Variants in TBCEL observed in about 807,000 individuals in gnomAD.
TBCEL encodes tubulin-specific chaperone cofactor E-like protein.
TBCEL carries 15 observed loss-of-function variants against 44.2 expected under a neutral mutation model. The ratio of observed to expected loss-of-function variants is 0.34; its 90% confidence interval spans 0.23 to 0.52. TBCEL has a LOEUF of 0.52. TBCEL is among the 20% of genes least tolerant of loss of function. The probability of loss-of-function intolerance (pLI) is 0.95; values close to 1 mark genes in which losing one functional copy is unlikely to be tolerated. For missense variants in TBCEL, 319 were observed against 506.3 expected, an observed-to-expected ratio of 0.63 and a Z score of 3.55; for synonymous variants, 171 against 185.4, an observed-to-expected ratio of 0.92 and a Z score of 0.63.
At chr11:121,073,245 A>G (rs993274391) in intron 8 of TBCEL, among the ~76,000 whole-genome samples, 1 of 151,962 alleles carries the variant, frequency 6.6e-6, no homozygotes, top group African/African-American at 2.4e-5. Context: ...GAGAATTTAC[A>G]TTGTGATGCT....
At chr11:121,071,363 T>G (rs1945928443) in intron 8 of TBCEL, among the ~76,000 whole-genome samples, 1 of 152,194 alleles carries the variant, frequency 6.6e-6, no homozygotes, top group Admixed American at 6.5e-5. Flanking sequence ...TTTTTGTTTT[T>G]GAGGGCAGTG....
rs552817533 is a variant in TBCEL at position 121,077,185 on chromosome 11, T to A, written c.957-9593T>A. 1.8e-3 allele frequency among the ~76,000 whole-genome samples: 268 copies of A among 152,156 alleles called. 2 individuals are homozygous for A. Among genetic ancestry groups the A allele is most frequent in the Middle Eastern group, 3.4e-3 (1 of 294 alleles). On this transcript the variant is annotated intron_variant, in intron 8 of 8. Coordinates refer to ENST00000683345, the MANE Select transcript of TBCEL (RefSeq NM_001363644.2). ...TTATAAGTGTTCTTTCCTTTTTTTC[T>A]GGAAGAGTTTGTGTAGAACAGTGTT...
chr11:121,025,093 T>G (rs1224164343), intron 1 of TBCEL, among the ~76,000 whole-genome samples: 1 of 152,152 alleles, frequency 6.6e-6, no homozygotes, highest in Non-Finnish European at 1.5e-5. Flanking sequence ...TGAGGAAAGT[T>G]GGTTGGAAGT....
At chr11:121,028,122 G>A (rs1945078800) in intron 1 of TBCEL, among the ~76,000 whole-genome samples, 2 of 96,404 alleles carry the variant, frequency 2.1e-5, no homozygotes, top group Non-Finnish European at 4.3e-5. Context: ...AGAGGATCAC[G>A]AGCCTCAGAG....
chr11:121,042,410 T>C (rs1261398647), intron 2 of TBCEL, among the ~76,000 whole-genome samples: 3 of 152,142 alleles, frequency 2.0e-5, no homozygotes, highest in African/African-American at 7.2e-5. Flanking sequence ...AAAGAACTTT[T>C]CAACCTGAAG....
At chr11:121,044,737 C>T (rs1190506454) in intron 2 of TBCEL, among the ~76,000 whole-genome samples, 1 of 152,080 alleles carries the variant, frequency 6.6e-6, no homozygotes, top group East Asian at 1.9e-4. Flanking sequence ...ATGAGTCCTT[C>T]TCAGTACTCA....
chr11:121,063,297 G>A (rs1945758924), intron 8 of TBCEL, among the ~76,000 whole-genome samples: 1 of 152,088 alleles, frequency 6.6e-6, no homozygotes, highest in Non-Finnish European at 1.5e-5. Flanking sequence ...AAGTGTTACT[G>A]TCTTCTACTA....
At chr11:121,079,667 G>T (rs1946089454) in intron 8 of TBCEL, among the ~76,000 whole-genome samples, 1 of 152,164 alleles carries the variant, frequency 6.6e-6, no homozygotes, top group African/African-American at 2.4e-5. Context: ...AGTCCCAGTT[G>T]TAGAATGTTT....
chr11:121,027,619 T>C (rs558259813), intron 1 of TBCEL, among the ~76,000 whole-genome samples: 2 of 152,290 alleles, frequency 1.3e-5, no homozygotes, highest in South Asian at 4.1e-4. Context: ...TGTGTAAAAT[T>C]ATCCCTGAAA....
intron 4 of TBCEL, among the ~76,000 whole-genome samples, chr11:121,049,227 A>C (rs1445396865): frequency 6.6e-6 from 1 of 151,884 alleles, no homozygotes; most frequent in Admixed American, 6.6e-5. Flanking sequence ...AAATTTACTT[A>C]ATCCTTTAGA....
rs1946240244 is a variant in TBCEL at position 121,087,773 on chromosome 11, A to G, written c.*677A>G. ...CTATAACTCTGTTAGAACCTCGAAG[A>G]GTAGATGTAGAATGAAAACTCCAGG... On this transcript the variant is annotated 3_prime_UTR_variant, in exon 9 of 9. Transcript: ENST00000683345. 6.6e-6 allele frequency: 1 copy of G among 152,172 alleles called. No homozygotes were observed. Among genetic ancestry groups the G allele is most frequent in the African/African-American group, 2.4e-5 (1 of 41,442 alleles). 9.4% of individuals were successfully genotyped at this position (152,172 alleles called of 1,614,324 possible).
chr11:121,073,301 C>G (rs1167863841), intron 8 of TBCEL, among the ~76,000 whole-genome samples: 1 of 151,864 alleles, frequency 6.6e-6, no homozygotes, highest in Non-Finnish European at 1.5e-5. Flanking sequence ...TTTCATTTAA[C>G]TCAGAATATT....
intron 8 of TBCEL, among the ~76,000 whole-genome samples, chr11:121,072,578 C>T (rs1945955391): frequency 1.3e-5 from 2 of 152,146 alleles, no homozygotes; most frequent in South Asian, 4.1e-4. Flanking sequence ...GTCTATTTTT[C>T]ATATTTTATA....
chr11:121,060,115 T>C (rs375293030), intron 8 of TBCEL, 30 bp downstream of exon 8: 112 of 1,507,372 alleles, frequency 7.4e-5, no homozygotes, highest in South Asian at 2.2e-4. Flanking sequence ...CCAAACACTT[T>C]AGAGGGTGGT....
intron 4 of TBCEL, 63 bp from the exon 5 acceptor site, chr11:121,053,488 G>T: frequency 6.6e-7 from 1 of 1,505,682 alleles, no homozygotes; most frequent in South Asian, 1.2e-5. Context: ...GCTTTCTTGA[G>T]CATGATTGCT....
intron 8 of TBCEL, among the ~76,000 whole-genome samples, chr11:121,075,129 T>C (rs1020523125): frequency 1.3e-5 from 2 of 151,988 alleles, no homozygotes; most frequent in Non-Finnish European, 2.9e-5. Flanking sequence ...CTGGAGGACC[T>C]CATTCAACAT....
intron 8 of TBCEL, among the ~76,000 whole-genome samples, chr11:121,066,091 T>C (rs959122526): frequency 6.6e-6 from 1 of 152,110 alleles, no homozygotes; most frequent in Non-Finnish European, 1.5e-5. Context: ...GATTAGAAAA[T>C]TAAGTTTGAG....
Position 121,040,250 on chromosome 11 carries a change from G to T in TBCEL, c.-18+3638G>T, listed in dbSNP as rs543967133. On this transcript the variant is annotated intron_variant, in intron 2 of 8. Transcript: ENST00000683345. ...AGGCATCACACCTCCTTAGCTTATG[G>T]CTCCAGAATCAGCAGAATTTGGGTC... 2.0e-5 allele frequency among the ~76,000 whole-genome samples: 3 copies of T among 152,248 alleles called. No homozygotes were observed. The East Asian group carries it at 5.8e-4, about 29-fold the overall frequency.
At chr11:121,053,943 A>G (rs533558266) in intron 5 of TBCEL, among the ~76,000 whole-genome samples, 4 of 151,992 alleles carry the variant, frequency 2.6e-5, no homozygotes, top group African/African-American at 7.2e-5. Context: ...GCACCAAGAC[A>G]TGGGATATGT....
Sources: gnomAD v4.1 joint callset for allele counts (sites outside exome capture counted in the v4.1 genomes callset) on GRCh38, gnomAD v4.1.1 for gene constraint, MANE v1.5 for transcripts, NCBI Gene and HGNC (gene_info 2026-07-23, HGNC 2026-07-21) for gene names.